ANKS1B: variants seen among roughly 807,000 people sequenced by gnomAD.
The protein encoded by ANKS1B is ankyrin repeat and sterile alpha motif domain containing 1B.
In ANKS1B, 36 loss-of-function variants were observed where a neutral mutation model predicts 148.3. The observed-to-expected ratio is 0.24, with a 90% CI of 0.19 to 0.32. The LOEUF is 0.32. Ranked by LOEUF, ANKS1B falls within the 10% of genes least tolerant of loss-of-function variation. The pLI, the probability that ANKS1B is intolerant of heterozygous loss-of-function variation, is 1.00. For missense variants in ANKS1B, 1,157 were observed against 1,542.6 expected, an observed-to-expected ratio of 0.75 and a Z score of 4.19; for synonymous variants, 542 against 560.8, an observed-to-expected ratio of 0.97 and a Z score of 0.47.
chr12:98,966,748 A>G (rs2099878256), intron 17 of ANKS1B, among the ~76,000 whole-genome samples: 1 of 152,132 alleles, frequency 6.6e-6, no homozygotes, highest in Non-Finnish European at 1.5e-5. Flanking sequence ...AGGGACATAG[A>G]TGAAGCTGGA....
intron 20 of ANKS1B, among the ~76,000 whole-genome samples, chr12:98,806,242 C>T (rs1256509642): frequency 6.6e-6 from 1 of 152,192 alleles, no homozygotes; most frequent in East Asian, 1.9e-4. Context: ...GCCATGCTTA[C>T]AACTTACTTT....
chr12:99,337,207 G>A (rs961325903), intron 12 of ANKS1B, among the ~76,000 whole-genome samples: 2 of 151,724 alleles, frequency 1.3e-5, no homozygotes, highest in African/African-American at 4.8e-5. Flanking sequence ...TTGTTTCTCT[G>A]ATTGTACATT....
chr12:98,975,465 G>A (rs1033751008), intron 17 of ANKS1B, among the ~76,000 whole-genome samples: 2 of 151,632 alleles, frequency 1.3e-5, no homozygotes, highest in African/African-American at 2.4e-5. Context: ...GTCACCGAAT[G>A]TTTTTTGAGT....
At chr12:99,334,685 C>G (rs1394074525) in intron 12 of ANKS1B, among the ~76,000 whole-genome samples, 4 of 151,910 alleles carry the variant, frequency 2.6e-5, no homozygotes, top group Non-Finnish European at 5.9e-5. Flanking sequence ...ATAATAATAG[C>G]CTTAATTTAT....
chr12:98,866,698 G>A (rs564427927), intron 17 of ANKS1B, among the ~76,000 whole-genome samples: 4 of 152,158 alleles, frequency 2.6e-5, no homozygotes, highest in South Asian at 2.1e-4. Context: ...AACCCTCCTC[G>A]TGCTAGAAAG....
chr12:98,981,463 G>A (rs558934588), intron 17 of ANKS1B, among the ~76,000 whole-genome samples: 26 of 152,158 alleles, frequency 1.7e-4, no homozygotes, highest in Non-Finnish European at 2.9e-4. Flanking sequence ...AGCCTCCCGA[G>A]TAGCTGCAAC....
At chr12:99,422,034 C>T (rs771423633) in intron 11 of ANKS1B, among the ~76,000 whole-genome samples, 9 of 152,294 alleles carry the variant, frequency 5.9e-5, no homozygotes, top group Middle Eastern at 3.4e-3. Flanking sequence ...GCCAAGTAGA[C>T]GGTGGAGCCA....
chr12:99,583,989 T>C (rs995710863), intron 9 of ANKS1B, among the ~76,000 whole-genome samples: 1 of 152,174 alleles, frequency 6.6e-6, no homozygotes, highest in African/African-American at 2.4e-5. Context: ...TCTGAAAAAA[T>C]GAAGTGTATC....
intron 1 of ANKS1B, among the ~76,000 whole-genome samples, chr12:99,904,937 T>A (rs1603449338): frequency 6.6e-6 from 1 of 152,238 alleles, no homozygotes; most frequent in East Asian, 1.9e-4. Flanking sequence ...GTATACTTAA[T>A]TCCTAACCCC....
At chr12:99,082,673 A>G (rs2050217816) in intron 16 of ANKS1B, among the ~76,000 whole-genome samples, 1 of 152,162 alleles carries the variant, frequency 6.6e-6, no homozygotes, top group African/African-American at 2.4e-5. Flanking sequence ...ACAGACTGGA[A>G]TGCACTGTGG....
chr12:98,787,622 G>A (rs1322042526), intron 22 of ANKS1B, among the ~76,000 whole-genome samples: 5 of 152,094 alleles, frequency 3.3e-5, no homozygotes, highest in African/African-American at 7.2e-5. Flanking sequence ...CGTAGCCAGC[G>A]TTATAAGGAA....
intron 22 of ANKS1B, among the ~76,000 whole-genome samples, chr12:98,792,684 A>G (rs1401840221): frequency 1.3e-5 from 2 of 152,164 alleles, no homozygotes; most frequent in Non-Finnish European, 2.9e-5. Flanking sequence ...GATTCCATGT[A>G]TGAGTGAAAT....
chr12:99,622,288 T>C (rs1282593479), intron 9 of ANKS1B, among the ~76,000 whole-genome samples: 2 of 151,650 alleles, frequency 1.3e-5, no homozygotes, highest in East Asian at 1.9e-4. Context: ...CTTCAAAAAG[T>C]TAAAAAGATC....
intron 24 of ANKS1B, among the ~76,000 whole-genome samples, chr12:98,776,003 T>C (rs2098669630): frequency 6.6e-6 from 1 of 152,260 alleles, no homozygotes; most frequent in Non-Finnish European, 1.5e-5. Flanking sequence ...GAATTTGTAT[T>C]GATAGCCTGC....
At chr12:99,400,672 T>C (rs1262548304) in intron 11 of ANKS1B, among the ~76,000 whole-genome samples, 1 of 144,986 alleles carries the variant, frequency 6.9e-6, no homozygotes, top group Non-Finnish European at 1.5e-5. Flanking sequence ...ACTCTACCTT[T>C]CTTACTTTTT....
intron 9 of ANKS1B, among the ~76,000 whole-genome samples, chr12:99,581,903 A>G (rs907807545): frequency 6.6e-6 from 1 of 150,688 alleles, no homozygotes; most frequent in South Asian, 2.1e-4. Context: ...GTCTCAAAAA[A>G]AAAAAAAAAA....
At chr12:99,321,085 C>A (rs1301430638) in intron 12 of ANKS1B, among the ~76,000 whole-genome samples, 1 of 152,124 alleles carries the variant, frequency 6.6e-6, no homozygotes, top group Non-Finnish European at 1.5e-5. Flanking sequence ...CAGAGGGACA[C>A]CCGGTTGTAT....
intron 17 of ANKS1B, among the ~76,000 whole-genome samples, chr12:98,896,435 A>C (rs2099764708): frequency 6.6e-6 from 1 of 152,166 alleles, no homozygotes; most frequent in Admixed American, 6.5e-5. Flanking sequence ...TCCTCACTTT[A>C]CAGATTAAAA....
intron 4 of ANKS1B, among the ~76,000 whole-genome samples, chr12:99,787,983 G>A (rs2065185003): frequency 6.6e-6 from 1 of 152,172 alleles, no homozygotes; most frequent in Admixed American, 6.5e-5. Flanking sequence ...CTCTCAACAA[G>A]CCTCACCACT....
Sources: allele counts gnomAD v4.1 joint callset (sites outside exome capture counted in the v4.1 genomes callset), GRCh38; gene constraint gnomAD v4.1.1; transcripts MANE v1.5; gene names NCBI Gene and HGNC (gene_info 2026-07-23, HGNC 2026-07-21).